Variants in NLRP9 observed in about 807,000 individuals in gnomAD.
NLRP9 encodes the protein NACHT, LRR and PYD domains-containing protein 9.
In NLRP9, 88 loss-of-function variants were observed where a neutral mutation model predicts 83.1. That is an observed-to-expected ratio of 1.06 (90% confidence interval 0.89 to 1.26). The LOEUF is 1.26. Ranked by LOEUF, NLRP9 falls within the 50% of genes most tolerant of loss-of-function variation. The pLI, the probability that NLRP9 is intolerant of heterozygous loss-of-function variation, is 0.00. For missense variants in NLRP9, 1,308 were observed against 1,179.3 expected (o/e 1.11, Z -1.60); for synonymous variants, 521 against 447.6 (o/e 1.16, Z -2.07).
intron 4 of NLRP9, among the ~76,000 whole-genome samples, chr19:55,719,387 A>C (rs1412603125): frequency 6.6e-6 from 1 of 152,172 alleles, no homozygotes; most frequent in East Asian, 1.9e-4. Context: ...TCCTGAGCTC[A>C]AGTGATCTGC....
chr19:55,731,820 A>C (rs1277976515), intron 2 of NLRP9, among the ~76,000 whole-genome samples, 179 bp downstream of exon 2: 1 of 152,158 alleles, frequency 6.6e-6, no homozygotes, highest in Non-Finnish European at 1.5e-5. Flanking sequence ...ACAATGGAAA[A>C]AGTTCAAGAA....
chr19:55,736,182 G>A (rs1287650861), intron 1 of NLRP9, among the ~76,000 whole-genome samples: 1 of 151,760 alleles, frequency 6.6e-6, no homozygotes, highest in Non-Finnish European at 1.5e-5. Flanking sequence ...ATGAGGTCAG[G>A]AGATCGAGAC....
At chr19:55,714,246 G>A (rs1427725106) in intron 6 of NLRP9, among the ~76,000 whole-genome samples, 1 of 152,050 alleles carries the variant, frequency 6.6e-6, no homozygotes, top group East Asian at 1.9e-4. Context: ...CTTCATGTGT[G>A]TGATTCCAAC....
At position 55,708,762 on chromosome 19, in the gene NLRP9, C is replaced by A; in HGVS notation, c.*150G>T. The A allele has an allele frequency of 1.8e-6, 1 of 556,772 alleles. No homozygotes were observed. Among genetic ancestry groups the A allele is most frequent in the Middle Eastern group, 5.0e-4 (1 of 1,992 alleles). 34.5% of individuals were successfully genotyped at this position (556,772 alleles called of 1,614,324 possible). A position where few individuals can be genotyped will look rare whatever the true frequency, so the allele number is the denominator to read the frequency against. ...TCAGCATGTACACTGAATCACACTC[C>A]ATAATCATATTGCTAGAACACTTAG... is the stretch of plus-strand genomic sequence containing the variant. On this transcript the variant is annotated 3_prime_UTR_variant, in exon 9 of 9. Transcript: ENST00000332836.
chr19:55,717,284 C>T (rs372628287), intron 4 of NLRP9, among the ~76,000 whole-genome samples: 16 of 152,242 alleles, frequency 1.1e-4, no homozygotes, highest in African/African-American at 2.6e-4. Context: ...CTGCCCACCT[C>T]GGCCTCCCAA....
chr19:55,720,278 G>C (rs993782343), intron 4 of NLRP9, among the ~76,000 whole-genome samples: 2 of 152,138 alleles, frequency 1.3e-5, no homozygotes, highest in Non-Finnish European at 2.9e-5. Context: ...ATAAGACTTT[G>C]AGAGAAAAAT....
intron 5 of NLRP9, 75 bp downstream of exon 5, chr19:55,716,653 C>A: frequency 8.0e-7 from 1 of 1,253,814 alleles, no homozygotes; most frequent in Non-Finnish European, 1.2e-6. Flanking sequence ...GTGAGCACCG[C>A]GTTGCTTTGA....
Position 55,732,452 on chromosome 19 carries a change from T to C in NLRP9, c.1379A>G (p.Lys460Arg). The C allele has an allele frequency of 1.2e-6, 2 of 1,614,176 alleles. No individual in the cohort carries two copies. The highest frequency in any genetic ancestry group is 1.7e-6 in the Non-Finnish European group (2 of 1,180,036). Reference sequence around the variant, plus strand: ...CGGGTTAGGATCGTCTTTGGGTCGTTTGAGCAAATAAAACATGGCGGCACA... The same window carrying C: ...CGGGTTAGGATCGTCTTTGGGTCGTCTGAGCAAATAAAACATGGCGGCACA... Reference protein sequence around the residue: ...EFCAAMFYLLKRPKDDPNPAI... With the variant: ...EFCAAMFYLLRRPKDDPNPAI... Residue 460 changes from lysine (K) to arginine (R), a missense_variant, in exon 2 of 9, where the codon AAA (lysine) becomes AGA (arginine). Coordinates refer to ENST00000332836, the MANE Select transcript of NLRP9 (RefSeq NM_176820.4).
Position 55,712,544 on chromosome 19 carries a change from C to G in NLRP9, c.2548G>C (p.Ala850Pro), listed in dbSNP as rs748486543. Residue 850 changes from alanine (A) to proline (P), a missense_variant, in exon 7 of 9, where the codon GCT becomes CCT. Transcript: ENST00000332836. ...LTSDSCKDIA[A>P]VLICNGKLKT... ...AGTTTCCCATTGCAAATAAGAACAG[C>G]AGCAATGTCCTTACAGGAATCGGAA... 1.2e-6 allele frequency: 2 copies of G among 1,612,460 alleles called. No homozygotes were observed. The highest frequency in any genetic ancestry group is 1.3e-5 in the African/African-American group (1 of 74,862).
rs139516488 is a variant in NLRP9 at position 55,712,025 on chromosome 19, G to A, written c.2673-55C>T. On this transcript the variant is annotated intron_variant, in intron 7 of 8. Coordinates refer to ENST00000332836, the MANE Select transcript of NLRP9 (RefSeq NM_176820.4). ...ACTCTAGCTTTGGGTAGGCTGGAAG[G>A]CACGCCATTGTTACTTGCTAATTAC... 5,153 of 1,549,870 alleles carry A rather than the reference G, an allele frequency of 3.3e-3. 19 individuals carry two copies. Among genetic ancestry groups the A allele is most frequent in the Non-Finnish European group, 3.4e-3 (3,848 of 1,129,746 alleles).
Position 55,732,570 on chromosome 19 carries a change from A to C in NLRP9, c.1261T>G (p.Ser421Ala), listed in dbSNP as rs1326802680. The change falls in exon 2 of 9, where the codon TCT (serine) becomes GCT (alanine). Residue 421 changes from serine to alanine, a missense_variant. Physicochemically the swap from Ser to Ala is moderately conservative, Grantham distance 99 (BLOSUM62 1). Coordinates refer to ENST00000332836, the MANE Select transcript of NLRP9 (RefSeq NM_176820.4). ...SHGDLRRNGL[S>A]ESEGVMWVGM... ...ACCCACATCACGCCCTCAGACTCAGATAACCCATTCCTCCGGAGATCCCCA... is the reference window on the plus strand; with the variant it reads ...ACCCACATCACGCCCTCAGACTCAGCTAACCCATTCCTCCGGAGATCCCCA... 6.2e-7 allele frequency: 1 copy of C among 1,614,122 alleles called. No individual in the cohort carries two copies. The highest frequency in any genetic ancestry group is 1.7e-5 in the Admixed American group (1 of 60,004).
chr19:55,732,105 C>CT lies in NLRP9; in HGVS notation c.1725dup (p.Glu576ArgfsTer30). 6.2e-7 allele frequency: 1 copy of CT among 1,612,248 alleles called. No homozygotes were observed. The highest frequency in any genetic ancestry group is 1.1e-5 in the South Asian group (1 of 90,496). On this transcript the variant is annotated frameshift_variant, in exon 2 of 9. Transcript: ENST00000332836. LOFTEE classifies it high-confidence loss of function. ...CAGAATGAAGCTATTACCAAATGTT[C>CT]TATGTTACCAATATAAATGAAAACT...
chr19:55,722,255 T>A (rs1040724645), intron 4 of NLRP9, among the ~76,000 whole-genome samples: 1 of 152,228 alleles, frequency 6.6e-6, no homozygotes, highest in Non-Finnish European at 1.5e-5. Context: ...CCAATCCTTA[T>A]GTTAATGTAT....
At position 55,715,092 on chromosome 19, in the gene NLRP9, C is replaced by A. The variant is rs762231230; in HGVS notation, c.2464G>T (p.Ala822Ser). Residue 822 changes from alanine (A) to serine (S), a missense_variant, in exon 6 of 9, where the codon GCG becomes TCG. Coordinates refer to ENST00000332836, the MANE Select transcript of NLRP9 (RefSeq NM_176820.4). ...ATGCTGCAGCCTGGGTGCTTCAGCG[C>A]TGCACACAGAGATGCCACTCCATTA... ...EDNGVASLCA[A>S]LKHPGCSIRE... 4 of 1,612,836 alleles carry A rather than the reference C, an allele frequency of 2.5e-6. No homozygotes were observed. The East Asian group carries it at 6.7e-5, about 27-fold the overall frequency.
At chr19:55,724,366 T>C (rs1251103147) in intron 3 of NLRP9, among the ~76,000 whole-genome samples, 1 of 152,064 alleles carries the variant, frequency 6.6e-6, no homozygotes, top group African/African-American at 2.4e-5. Flanking sequence ...TCCTAGCCCC[T>C]CCACTTCTAC....
intron 1 of NLRP9, among the ~76,000 whole-genome samples, chr19:55,735,655 AT>A (rs1361482068): frequency 6.6e-6 from 1 of 151,940 alleles, no homozygotes; most frequent in Non-Finnish European, 1.5e-5. Context: ...ATTCATGCAC[AT>A]TTTTCATCAC....
At position 55,732,801 on chromosome 19, in the gene NLRP9, A is replaced by G. The variant is rs1457730070; in HGVS notation, c.1030T>C (p.Cys344Arg). ...TCTAGCCTCTGTTTCACACAAGTAC[A>G]GACCAACCAGCACGTAAAGGGATTA... is the stretch of plus-strand genomic sequence containing the variant. ...CHNPFTCWLV[C>R]TCVKQRLERG... is the part of the protein sequence containing the mutation. The change falls in exon 2 of 9, where the codon TGT becomes CGT. Residue 344 changes from cysteine (C) to arginine (R), a missense_variant. Physicochemically the swap from Cys to Arg is radical, Grantham distance 180. Coordinates refer to ENST00000332836, the MANE Select transcript of NLRP9 (RefSeq NM_176820.4). 3.1e-6 allele frequency: 5 copies of G among 1,614,098 alleles called. No homozygotes were observed. Among genetic ancestry groups the G allele is most frequent in the Non-Finnish European group, 4.2e-6 (5 of 1,180,060 alleles).
At chr19:55,721,941 T>G (rs913176117) in intron 4 of NLRP9, among the ~76,000 whole-genome samples, 1 of 152,202 alleles carries the variant, frequency 6.6e-6, no homozygotes, top group Non-Finnish European at 1.5e-5. Context: ...TAAACCTCTT[T>G]CTTTTGTAAA....
chr19:55,735,077 T>C (rs1169068392), intron 1 of NLRP9, among the ~76,000 whole-genome samples: 2 of 152,076 alleles, frequency 1.3e-5, no homozygotes, highest in Admixed American at 6.6e-5. Flanking sequence ...CGGAAGGAGA[T>C]TGCAAAGGGG....
Sources: gnomAD v4.1 joint callset for allele counts (sites outside exome capture counted in the v4.1 genomes callset) on GRCh38, gnomAD v4.1.1 for gene constraint, MANE v1.5 for transcripts, NCBI Gene and HGNC (gene_info 2026-07-23, HGNC 2026-07-21) for gene names.